Variants in PDE4B observed in about 807,000 individuals in gnomAD.
The protein encoded by PDE4B is 3',5'-cyclic-AMP phosphodiesterase 4B.
Under a neutral mutation model 82.2 loss-of-function variants are expected in PDE4B, and 20 were observed. The ratio of observed to expected loss-of-function variants is 0.24; its 90% CI spans 0.17 to 0.35. PDE4B has a LOEUF of 0.35. PDE4B is among the 10% of genes least tolerant of loss of function. The pLI is 1.00. For synonymous variants in PDE4B, 320 were observed against 318.9 expected (o/e 1.00, Z -0.04); for missense variants, 655 against 907.2 (o/e 0.72, Z 3.57).
At chr1:66,042,145 C>T (rs1455056414) in intron 3 of PDE4B, among the ~76,000 whole-genome samples, 1 of 151,658 alleles carries the variant, frequency 6.6e-6, no homozygotes, top group African/African-American at 2.4e-5. Flanking sequence ...GATTGTTTCC[C>T]CCAAATCAAA....
intron 3 of PDE4B, among the ~76,000 whole-genome samples, chr1:66,077,893 C>A (rs1271369328): frequency 6.6e-6 from 1 of 152,142 alleles, no homozygotes; most frequent in African/African-American, 2.4e-5. Flanking sequence ...TCATACCCAA[C>A]CTCTTCAAAT....
intron 3 of PDE4B, among the ~76,000 whole-genome samples, chr1:66,098,951 T>A (rs1331431380): frequency 2.0e-5 from 3 of 152,154 alleles, no homozygotes. Context: ...CTCCATCACT[T>A]CCTACTACTA....
intron 1 of PDE4B, among the ~76,000 whole-genome samples, chr1:65,794,883 T>C (rs1180646445): frequency 2.6e-5 from 4 of 152,236 alleles, no homozygotes; most frequent in African/African-American, 7.2e-5. Flanking sequence ...TTGCAGTGTG[T>C]CTACTTGTAT....
At chr1:66,330,548 C>T (rs147621775) in intron 7 of PDE4B, among the ~76,000 whole-genome samples, 13 of 152,274 alleles carry the variant, frequency 8.5e-5, no homozygotes, top group East Asian at 1.9e-4. Flanking sequence ...TTCTCCCCAC[C>T]GTCCTGGTGA....
chr1:66,162,542 A>G (rs754070301), intron 3 of PDE4B, among the ~76,000 whole-genome samples: 2 of 151,976 alleles, frequency 1.3e-5, no homozygotes, highest in Non-Finnish European at 2.9e-5. Context: ...TGCCCAGCCT[A>G]TGCAGGTTGA....
chr1:66,105,304 T>C (rs1349286543), intron 3 of PDE4B, among the ~76,000 whole-genome samples: 2 of 151,502 alleles, frequency 1.3e-5, no homozygotes, highest in African/African-American at 4.8e-5. Flanking sequence ...TCTATATCTC[T>C]GTTTTGGTAC....
chr1:66,048,352 T>C (rs566608587), intron 3 of PDE4B, among the ~76,000 whole-genome samples: 1 of 152,090 alleles, frequency 6.6e-6, no homozygotes, highest in African/African-American at 2.4e-5. Context: ...TAATAATGAA[T>C]AATCTTTTCT....
chr1:66,150,059 C>A (rs1646360225), intron 3 of PDE4B, among the ~76,000 whole-genome samples: 1 of 152,118 alleles, frequency 6.6e-6, no homozygotes, highest in Non-Finnish European at 1.5e-5. Flanking sequence ...ATTAATTGGC[C>A]ATACATGTGT....
intron 6 of PDE4B, among the ~76,000 whole-genome samples, chr1:66,264,200 A>T (rs1258388144): frequency 6.6e-6 from 1 of 152,232 alleles, no homozygotes; most frequent in African/African-American, 2.4e-5. Context: ...TCAGGCAATG[A>T]GGAATTATGA....
intron 8 of PDE4B, 162 bp from the exon 9 acceptor site, chr1:66,355,365 T>A: frequency 4.5e-6 from 2 of 444,828 alleles, no homozygotes; most frequent in South Asian, 7.2e-5. Context: ...GACGTTGGAA[T>A]AATTTCAAAT....
intron 3 of PDE4B, among the ~76,000 whole-genome samples, chr1:66,237,219 A>C (rs1056380540): frequency 1.6e-4 from 24 of 152,320 alleles, no homozygotes; most frequent in African/African-American, 5.3e-4. Context: ...CTGCAGGTGC[A>C]GTGTTCAAGA....
chr1:66,033,133 AAG>A (rs1329056697), intron 3 of PDE4B, among the ~76,000 whole-genome samples: 2 of 152,174 alleles, frequency 1.3e-5, no homozygotes, highest in Non-Finnish European at 2.9e-5. Context: ...AACAGAAAAA[AAG>A]AAATATTTTA....
chr1:66,175,078 C>A (rs557019509), intron 3 of PDE4B, among the ~76,000 whole-genome samples: 1 of 152,178 alleles, frequency 6.6e-6, no homozygotes, highest in South Asian at 2.1e-4. Flanking sequence ...TCCCTCAACA[C>A]ATAAGAATTA....
intron 3 of PDE4B, among the ~76,000 whole-genome samples, chr1:65,975,676 G>A (rs1650367478): frequency 6.6e-6 from 1 of 152,164 alleles, no homozygotes; most frequent in Non-Finnish European, 1.5e-5. Context: ...CTGTAGCCTT[G>A]GAACAAGGCA....
intron 3 of PDE4B, among the ~76,000 whole-genome samples, chr1:66,206,003 G>A (rs969333814): frequency 2.6e-5 from 4 of 152,152 alleles, no homozygotes; most frequent in Non-Finnish European, 4.4e-5. Flanking sequence ...GGAGAGGTGC[G>A]CTGAAGCAAT....
chr1:66,273,214 C>G (rs963567267), intron 7 of PDE4B, among the ~76,000 whole-genome samples: 1 of 152,206 alleles, frequency 6.6e-6, no homozygotes, highest in Non-Finnish European at 1.5e-5. Context: ...CTGCCACCCC[C>G]CTGCACAACT....
At chr1:66,266,626 T>TTGTTTTG (rs1193743588) in intron 7 of PDE4B, 1 of 476,976 alleles carries the variant, frequency 2.1e-6, no homozygotes, top group Non-Finnish European at 4.3e-6. Context: ...GTGTTTTGTT[T>TTGTTTTG]TGTTTTGTTT....
intron 3 of PDE4B, among the ~76,000 whole-genome samples, chr1:65,965,253 C>G (rs5002027): frequency 0.64 from 97,596 of 151,924 alleles, 31,496 homozygotes; most frequent in African/African-American, 0.68. Flanking sequence ...TCCTCCCCCC[C>G]CCATGGAAAA....
intron 7 of PDE4B, among the ~76,000 whole-genome samples, chr1:66,283,373 A>G (rs1204799727): frequency 6.6e-6 from 1 of 151,700 alleles, no homozygotes; most frequent in Non-Finnish European, 1.5e-5. Context: ...ATGTGTATAT[A>G]TGTATATATA....
Sources: allele counts gnomAD v4.1 joint callset (sites outside exome capture counted in the v4.1 genomes callset), GRCh38; gene constraint gnomAD v4.1.1; transcripts MANE v1.5; gene names NCBI Gene and HGNC (gene_info 2026-07-23, HGNC 2026-07-21).